Variants in OPCML observed in about 807,000 individuals in gnomAD.
The protein encoded by OPCML is opioid-binding protein/cell adhesion molecule.
Under a neutral mutation model 37.8 loss-of-function variants are expected in OPCML, and 13 were observed. That is an observed-to-expected ratio of 0.34 (90% CI 0.22 to 0.55). The LOEUF (loss-of-function observed/expected upper bound fraction) is 0.55, where lower values mean the gene tolerates loss of function less well. Ranked by LOEUF, OPCML falls within the 20% of genes least tolerant of loss-of-function variation. The pLI, the probability that OPCML is intolerant of heterozygous loss-of-function variation, is 0.91. For missense variants in OPCML, 341 were observed against 435.6 expected (o/e 0.78, Z 1.93); for synonymous variants, 176 against 168.8 (o/e 1.04, Z -0.33).
At chr11:132,845,423 T>G (rs1941483654) in intron 2 of OPCML, among the ~76,000 whole-genome samples, 1 of 152,144 alleles carries the variant, frequency 6.6e-6, no homozygotes, top group African/African-American at 2.4e-5. Context: ...CAAATACTCT[T>G]TAAAAATCTG....
chr11:133,284,038 TG>T (rs1463981386), intron 1 of OPCML, among the ~76,000 whole-genome samples: 1 of 152,188 alleles, frequency 6.6e-6, no homozygotes, highest in South Asian at 2.1e-4. Context: ...TTTACCAAAA[TG>T]GAGAATCACT....
intron 3 of OPCML, among the ~76,000 whole-genome samples, chr11:132,603,121 A>G (rs1012524945): frequency 6.6e-6 from 1 of 152,076 alleles, no homozygotes; most frequent in African/African-American, 2.4e-5. Context: ...GTGCCTGAGA[A>G]ATGTTGGTGT....
chr11:133,080,897 C>G (rs927513677), intron 1 of OPCML, among the ~76,000 whole-genome samples: 1 of 152,042 alleles, frequency 6.6e-6, no homozygotes, highest in African/African-American at 2.4e-5. Context: ...GTGCAGAACA[C>G]GACTGTTCAT....
At chr11:132,608,614 A>T (rs1252048987) in intron 3 of OPCML, among the ~76,000 whole-genome samples, 1 of 152,192 alleles carries the variant, frequency 6.6e-6, no homozygotes, top group African/African-American at 2.4e-5. Flanking sequence ...TTAATAAAAA[A>T]TGATTATGTC....
chr11:132,898,838 G>GC (rs57148567), intron 2 of OPCML, among the ~76,000 whole-genome samples: 18,727 of 149,162 alleles, frequency 0.13, 2,389 homozygotes, highest in African/African-American at 0.33. Context: ...AGTTTAGACT[G>GC]CCCCCCCCAC....
chr11:132,780,683 T>A (rs1946976902), intron 2 of OPCML, among the ~76,000 whole-genome samples: 1 of 152,198 alleles, frequency 6.6e-6, no homozygotes. Context: ...CAGGTCCATG[T>A]GTAAAAGGGT....
chr11:133,444,797 T>TG (rs957644336), intron 1 of OPCML, among the ~76,000 whole-genome samples: 71 of 136,408 alleles, frequency 5.2e-4, no homozygotes, highest in African/African-American at 2.3e-3. Context: ...TTTTGTTTTT[T>TG]GGTTTTTTTT....
chr11:133,433,269 A>AT (rs1434742246), intron 1 of OPCML, among the ~76,000 whole-genome samples: 2 of 151,532 alleles, frequency 1.3e-5, no homozygotes, highest in Admixed American at 1.3e-4. Flanking sequence ...AAAAAAAAAA[A>AT]ATATTACTGA....
chr11:133,339,388 C>T (rs1433389179), intron 1 of OPCML, among the ~76,000 whole-genome samples: 3 of 152,148 alleles, frequency 2.0e-5, no homozygotes, highest in African/African-American at 4.8e-5. Context: ...GATTTGAAAC[C>T]GGGGTTTGTT....
chr11:132,490,092 G>C (rs555248357), intron 4 of OPCML, among the ~76,000 whole-genome samples: 16 of 152,006 alleles, frequency 1.1e-4, no homozygotes, highest in African/African-American at 3.1e-4. Flanking sequence ...GTCTATCACT[G>C]ATGGGCATTT....
intron 1 of OPCML, among the ~76,000 whole-genome samples, chr11:133,437,315 A>G (rs1187138442): frequency 6.6e-6 from 1 of 152,160 alleles, no homozygotes; most frequent in East Asian, 1.9e-4. Flanking sequence ...AGGGGCTAAG[A>G]TGAGATGGCG....
intron 2 of OPCML, among the ~76,000 whole-genome samples, chr11:132,941,073 TG>T (rs1356689566): frequency 6.6e-6 from 1 of 152,076 alleles, no homozygotes; most frequent in Non-Finnish European, 1.5e-5. Flanking sequence ...TGCTAGAACA[TG>T]TAAGTTGTTC....
chr11:132,515,551 G>A (rs2096277815), intron 4 of OPCML, among the ~76,000 whole-genome samples: 1 of 152,162 alleles, frequency 6.6e-6, no homozygotes. Flanking sequence ...TTTACTTCAT[G>A]AGATCACCTC....
rs2137557150 is a variant in OPCML at position 132,570,024 on chromosome 11, A to G, written c.380-40838T>C. ...TTTCAGTAGCAGAGGTGAAAGAAGA[A>G]ATCAGTAAACTAAGGGCAATTCTAA... On this transcript the variant is annotated intron_variant, in intron 3 of 7. Coordinates refer to ENST00000524381, the MANE Select transcript of OPCML (RefSeq NM_001012393.5). 1.3e-5 allele frequency among the ~76,000 whole-genome samples: 2 copies of G among 152,130 alleles called. 1 individual carries two copies. Among genetic ancestry groups the G allele is most frequent in the South Asian group, 4.2e-4 (2 of 4,812 alleles).
At chr11:132,700,729 T>C (rs1943774167) in intron 2 of OPCML, among the ~76,000 whole-genome samples, 2 of 152,158 alleles carry the variant, frequency 1.3e-5, no homozygotes, top group South Asian at 2.1e-4. Flanking sequence ...GAATATTCCA[T>C]GTGTGCTTGG....
intron 2 of OPCML, among the ~76,000 whole-genome samples, chr11:132,911,800 T>C (rs1245632257): frequency 6.6e-6 from 1 of 152,214 alleles, no homozygotes; most frequent in Non-Finnish European, 1.5e-5. Context: ...TACAGCTCTG[T>C]GTATTTAAAT....
intron 2 of OPCML, among the ~76,000 whole-genome samples, chr11:132,893,234 C>T (rs998131173): frequency 1.3e-5 from 2 of 152,156 alleles, no homozygotes; most frequent in African/African-American, 4.8e-5. Flanking sequence ...TGCACTCCAG[C>T]CTGGGGGATA....
At chr11:133,051,422 C>T (rs1377673904) in intron 1 of OPCML, among the ~76,000 whole-genome samples, 1 of 152,122 alleles carries the variant, frequency 6.6e-6, no homozygotes, top group Non-Finnish European at 1.5e-5. Context: ...GGCTGCAGCC[C>T]CTGAGCTTCA....
At chr11:133,249,271 G>A (rs1383361804) in intron 1 of OPCML, among the ~76,000 whole-genome samples, 1 of 152,100 alleles carries the variant, frequency 6.6e-6, no homozygotes, top group African/African-American at 2.4e-5. Context: ...AAGCGGATTA[G>A]GCATCCCATG....
Sources: allele counts gnomAD v4.1 joint callset (sites outside exome capture counted in the v4.1 genomes callset), GRCh38; gene constraint gnomAD v4.1.1; transcripts MANE v1.5; gene names NCBI Gene and HGNC (gene_info 2026-07-23, HGNC 2026-07-21).